The following SLC4A4 variants were observed in gnomAD, a reference collection of about 807,000 sequenced individuals.
The protein encoded by SLC4A4 is electrogenic sodium bicarbonate cotransporter 1.
SLC4A4 carries 27 observed loss-of-function variants against 111.5 expected under a neutral mutation model. The observed-to-expected ratio is 0.24, with a 90% CI of 0.18 to 0.33. SLC4A4 has a LOEUF of 0.33. Among genes scored for constraint, SLC4A4 ranks in the 10% least tolerant of loss-of-function variants. SLC4A4 has a pLI of 1.00. For synonymous variants in SLC4A4, 443 were observed against 463.4 expected, an observed-to-expected ratio of 0.96 and a Z score of 0.57; for missense variants, 909 against 1,315.5, an observed-to-expected ratio of 0.69 and a Z score of 4.78.
At position 71,166,568 on chromosome 4, in the gene SLC4A4, C is replaced by A. The variant is rs72860079; in HGVS notation, c.-1-70008C>A. On this transcript the variant is annotated intron_variant, in intron 2 of 26. Transcript: ENST00000649996. ...GTCTATTTTATTTGTAGCTCTACTT[C>A]TGTGAACTTAGAGGTATCTGCAGGA... Among the ~76,000 whole-genome samples the A allele has an allele frequency of 5.3e-3, 806 of 152,290 alleles. 9 individuals carry two copies. Among genetic ancestry groups the A allele is most frequent in the African/African-American group, 0.019 (771 of 41,554 alleles).
intron 3 of SLC4A4, among the ~76,000 whole-genome samples, chr4:71,258,020 A>T (rs949737097): frequency 6.6e-6 from 1 of 152,192 alleles, no homozygotes. Context: ...GTATTTCTTC[A>T]TAGAGAGGCA....
intron 16 of SLC4A4, 94 bp downstream of exon 16, chr4:71,497,786 T>A: frequency 4.0e-6 from 4 of 1,002,646 alleles, no homozygotes; most frequent in Non-Finnish European, 6.3e-6. Context: ...TGTAATTCAA[T>A]GTGTCCAATA....
At chr4:71,352,885 C>G (rs867863252) in intron 5 of SLC4A4, among the ~76,000 whole-genome samples, 2 of 152,108 alleles carry the variant, frequency 1.3e-5, no homozygotes, top group Non-Finnish European at 2.9e-5. Context: ...GAACAGCATC[C>G]CTGCTGTGCT....
At chr4:71,331,336 G>C (rs1308471109) in intron 3 of SLC4A4, among the ~76,000 whole-genome samples, 1 of 152,184 alleles carries the variant, frequency 6.6e-6, no homozygotes, top group Admixed American at 6.5e-5. Context: ...CAACCCAAAT[G>C]TCCATGAATG....
chr4:71,463,909 G>A (rs1334086153), intron 12 of SLC4A4, among the ~76,000 whole-genome samples: 7 of 152,248 alleles, frequency 4.6e-5, no homozygotes, highest in Admixed American at 2.6e-4. Flanking sequence ...CTCTTCTTTT[G>A]TATTGCTCTT....
chr4:71,391,365 G>A (rs112430777), intron 6 of SLC4A4, among the ~76,000 whole-genome samples: 2,736 of 152,092 alleles, frequency 0.018, 43 homozygotes, highest in Non-Finnish European at 0.027. Flanking sequence ...TGAGGAGGAC[G>A]TTTATGTGTC....
At chr4:71,441,851 A>C (rs1157469274) in intron 8 of SLC4A4, among the ~76,000 whole-genome samples, 1 of 152,246 alleles carries the variant, frequency 6.6e-6, no homozygotes, top group African/African-American at 2.4e-5. Flanking sequence ...GTTATTGGAC[A>C]AATAGCAGTG....
chr4:71,466,426 A>G lies in SLC4A4; in HGVS notation c.1498-18A>G, dbSNP rs1196182982. The G allele has an allele frequency of 4.3e-6, 7 of 1,613,238 alleles. No homozygotes were observed. Among genetic ancestry groups the G allele is most frequent in the East Asian group, 2.2e-5 (1 of 44,830 alleles). ...AAAAGATGTGTTTCATTTAACATCT[A>G]TATTTTCTTTATTTTAGGGCGTGTT... On this transcript the variant is annotated intron_variant, in intron 12 of 25. Coordinates refer to ENST00000264485, the MANE Select transcript of SLC4A4 (RefSeq NM_001098484.3).
At position 71,451,333 on chromosome 4, in the gene SLC4A4, G is replaced by C; in HGVS notation, c.1322+32G>C. 2.3e-6 allele frequency: 3 copies of C among 1,313,690 alleles called. No homozygotes were observed. The South Asian group carries it at 3.5e-5, about 15-fold the overall frequency. The allele number at this position is 1,313,690 out of a possible 1,614,324, so 81.4% of individuals were successfully genotyped here. A position where few individuals can be genotyped will look rare whatever the true frequency, so the allele number is the denominator to read the frequency against. The stretch of plus-strand genomic sequence containing the variant: ...GACAGTTTCCTTTGCCATTCATGAT[G>C]AGGTTCTCCTTAAATGTAAATTTCC... On this transcript the variant is annotated intron_variant, in intron 11 of 25. Coordinates refer to ENST00000264485, the MANE Select transcript of SLC4A4 (RefSeq NM_001098484.3).
At chr4:71,552,354 CACACACACACAT>C (rs774827213) in intron 20 of SLC4A4, among the ~76,000 whole-genome samples, 246 of 151,812 alleles carry the variant, frequency 1.6e-3, no homozygotes, top group Middle Eastern at 6.8e-3. Context: ...CACATGTACA[CACACACACACAT>C]ACACACACAC....
At chr4:71,439,827 T>A (rs1198567383) in intron 7 of SLC4A4, among the ~76,000 whole-genome samples, 1 of 151,584 alleles carries the variant, frequency 6.6e-6, no homozygotes, top group Non-Finnish European at 1.5e-5. Context: ...TGCTTGGGCT[T>A]TTGGTAGGTA....
chr4:71,329,193 G>T, intron 3 of SLC4A4, among the ~76,000 whole-genome samples: 1 of 151,790 alleles, frequency 6.6e-6, no homozygotes, highest in East Asian at 1.9e-4. Context: ...TCATTTTTAT[G>T]GCAGTACTCT....
intron 1 of SLC4A4, among the ~76,000 whole-genome samples, chr4:71,219,764 A>G (rs1718635949): frequency 1.6e-5 from 2 of 122,368 alleles, no homozygotes; most frequent in South Asian, 3.1e-4. Context: ...GAGGAAGTTG[A>G]TTCTAATCCT....
At chr4:71,344,546 G>C (rs2148895663) in intron 4 of SLC4A4, among the ~76,000 whole-genome samples, 1 of 152,184 alleles carries the variant, frequency 6.6e-6, no homozygotes. Context: ...CTTATAAATT[G>C]ATAATATTTT....
intron 2 of SLC4A4, among the ~76,000 whole-genome samples, chr4:71,130,690 A>G (rs2148961264): frequency 6.6e-6 from 1 of 152,182 alleles, no homozygotes; most frequent in South Asian, 2.1e-4. Flanking sequence ...CTTTTATTGT[A>G]TTATTTGTTG....
chr4:71,380,091 C>T (rs545261437), intron 6 of SLC4A4, among the ~76,000 whole-genome samples: 25 of 152,258 alleles, frequency 1.6e-4, no homozygotes, highest in African/African-American at 5.1e-4. Context: ...GTCTTCATAT[C>T]GCCCAAAAAA....
At position 71,357,519 on chromosome 4, in the gene SLC4A4, T is replaced by A. The variant is rs1247477437; in HGVS notation, c.730+332T>A. Among the ~76,000 whole-genome samples, 5 of 152,198 alleles carry A rather than the reference T, an allele frequency of 3.3e-5. No individual in the cohort carries two copies. In the East Asian group the frequency reaches 9.6e-4, roughly 29 times the overall value. ...GTCAGCAGATTCGTAGATTATTGAG[T>A]ACCTCTGTGAATATGTTTTCCAGCA... On this transcript the variant is annotated intron_variant, in intron 6 of 25. Coordinates refer to ENST00000264485, the MANE Select transcript of SLC4A4 (RefSeq NM_001098484.3).
chr4:71,541,261 G>A (rs181012238), intron 18 of SLC4A4, among the ~76,000 whole-genome samples: 14 of 152,188 alleles, frequency 9.2e-5, no homozygotes, highest in Admixed American at 5.9e-4. Flanking sequence ...TAATGATTTC[G>A]ATTTTTAAAA....
At chr4:71,403,496 G>A (rs1376496332) in intron 7 of SLC4A4, among the ~76,000 whole-genome samples, 1 of 152,144 alleles carries the variant, frequency 6.6e-6, no homozygotes, top group Non-Finnish European at 1.5e-5. Context: ...ATAAAGCAGG[G>A]TAATGTGGAG....
Sources: gnomAD v4.1 joint callset for allele counts (sites outside exome capture counted in the v4.1 genomes callset) on GRCh38, gnomAD v4.1.1 for gene constraint, MANE v1.5 for transcripts, NCBI Gene and HGNC (gene_info 2026-07-23, HGNC 2026-07-21) for gene names.